The following ZNF362 variants were observed in gnomAD, a reference collection of about 807,000 sequenced individuals.
ZNF362 encodes rotund homolog.
Under a neutral mutation model 42.9 loss-of-function variants are expected in ZNF362, and 11 were observed. That is an observed-to-expected ratio of 0.26 (90% CI 0.16 to 0.42). The LOEUF is 0.42. ZNF362 is among the 20% of genes least tolerant of loss of function. The probability of loss-of-function intolerance (pLI) is 1.00; values close to 1 mark genes in which losing one functional copy is unlikely to be tolerated. For missense variants in ZNF362, 362 were observed against 576.2 expected (o/e 0.63, Z 3.81); for synonymous variants, 255 against 257.3 (o/e 0.99, Z 0.09).
At chr1:33,181,311 C>G in the ZNF362 span, 1 of 1,563,658 alleles carries the variant, frequency 6.4e-7, no homozygotes, top group South Asian at 1.2e-5. The surrounding 1 kb of genome is among the most constrained non-coding windows in gnomAD (Gnocchi z 6.5). Flanking sequence ...CGCCTCCTGC[C>G]GCACCCAGTG....
chr1:33,148,581 G>T, the ZNF362 span, among the ~76,000 whole-genome samples: 1 of 152,176 alleles, frequency 6.6e-6, no homozygotes, highest in African/African-American at 2.4e-5. Flanking sequence ...TAGTGTGATT[G>T]TGGGTGAGCA....
At position 33,276,058 on chromosome 1, in the gene ZNF362, G is replaced by C. The variant is rs367878811; in HGVS notation, c.39-42G>C. On this transcript the variant is annotated intron_variant, in intron 2 of 8. Transcript: ENST00000539719. ...TGAGGGGTGCTCGCCCCAGGCCTTG[G>C]GGAGGGCTCTCTTCCCGGTGACAGT... 11 of 1,611,908 alleles carry C rather than the reference G, an allele frequency of 6.8e-6. No homozygotes were observed. In the African/African-American group the frequency reaches 1.5e-4, roughly 22 times the overall value.
At chr1:33,283,162 C>CT (rs750293126) in intron 6 of ZNF362, among the ~76,000 whole-genome samples, 1 of 152,102 alleles carries the variant, frequency 6.6e-6, no homozygotes, top group Non-Finnish European at 1.5e-5. Context: ...GAGTCTCACT[C>CT]TATTGCCCAG....
chr1:33,181,734 G>A, the ZNF362 span: 1 of 428,308 alleles, frequency 2.3e-6, no homozygotes, highest in Non-Finnish European at 4.2e-6. The surrounding 1 kb of genome is among the most constrained non-coding windows in gnomAD (Gnocchi z 6.5). Flanking sequence ...CTGACGGGGA[G>A]GTTCTAGGGG....
the ZNF362 span, among the ~76,000 whole-genome samples, chr1:33,243,044 T>C: frequency 6.6e-6 from 1 of 152,214 alleles, no homozygotes; most frequent in East Asian, 1.9e-4. Flanking sequence ...TGACAATGTA[T>C]TATAATGAGA....
At chr1:33,208,476 G>A in the ZNF362 span, among the ~76,000 whole-genome samples, 1 of 151,978 alleles carries the variant, frequency 6.6e-6, no homozygotes, top group African/African-American at 2.4e-5. Flanking sequence ...GAAAATCAGT[G>A]GTAGCTTGAT....
At chr1:33,271,531 G>A (rs1289699635) in intron 2 of ZNF362, among the ~76,000 whole-genome samples, 2 of 152,228 alleles carry the variant, frequency 1.3e-5, no homozygotes, top group South Asian at 2.1e-4. Flanking sequence ...AGTAAAGATT[G>A]GAACCCGGGT....
At chr1:33,158,621 C>T in the ZNF362 span, among the ~76,000 whole-genome samples, 1 of 152,214 alleles carries the variant, frequency 6.6e-6, no homozygotes, top group Non-Finnish European at 1.5e-5. Context: ...CATGGCATAA[C>T]ATATACAGAT....
chr1:33,181,315 C>T, the ZNF362 span: 24 of 1,567,038 alleles, frequency 1.5e-5, no homozygotes, highest in Non-Finnish European at 2.1e-5. The surrounding 1 kb of genome is among the most constrained non-coding windows in gnomAD (Gnocchi z 6.5). Flanking sequence ...TCCTGCCGCA[C>T]CCAGTGCTCC....
the ZNF362 span, among the ~76,000 whole-genome samples, chr1:33,139,545 GA>G: frequency 6.6e-6 from 1 of 152,164 alleles, no homozygotes; most frequent in Non-Finnish European, 1.5e-5. Flanking sequence ...CAACAGTAAG[GA>G]AAAGGAGGGC....
At chr1:33,187,700 T>C in the ZNF362 span, among the ~76,000 whole-genome samples, 18 of 152,308 alleles carry the variant, frequency 1.2e-4, 1 homozygote, top group South Asian at 1.9e-3. Context: ...AGATATAATT[T>C]TAGGTTTAGT....
chr1:33,176,452 T>G, the ZNF362 span: 4 of 696,458 alleles, frequency 5.7e-6, no homozygotes, highest in Non-Finnish European at 1.1e-5. Flanking sequence ...TTCTCTGGCA[T>G]GAAGGAAGCC....
chr1:33,154,115 A>G, the ZNF362 span, among the ~76,000 whole-genome samples: 1 of 152,266 alleles, frequency 6.6e-6, no homozygotes, highest in African/African-American at 2.4e-5. Context: ...GCAAACGTGT[A>G]GATGAGGGAG....
chr1:33,247,005 G>T, the ZNF362 span, among the ~76,000 whole-genome samples: 1 of 152,184 alleles, frequency 6.6e-6, no homozygotes, highest in Admixed American at 6.5e-5. Flanking sequence ...TGTTCAAGAG[G>T]TGCAGAGAGG....
the ZNF362 span, among the ~76,000 whole-genome samples, chr1:33,144,252 C>T: frequency 2.0e-5 from 3 of 152,052 alleles, no homozygotes; most frequent in Admixed American, 2.0e-4. Flanking sequence ...ATTCTCCTGC[C>T]TCAGCCTCCC....
At chr1:33,189,677 A>G in the ZNF362 span, among the ~76,000 whole-genome samples, 178 of 41,896 alleles carry the variant, frequency 4.2e-3, 8 homozygotes, top group Non-Finnish European at 5.4e-3. Context: ...ATATATGTAT[A>G]TATATACGTA....
the ZNF362 span, among the ~76,000 whole-genome samples, chr1:33,134,552 C>T: frequency 6.6e-6 from 1 of 152,156 alleles, no homozygotes; most frequent in South Asian, 2.1e-4. Flanking sequence ...CTAGGACCAC[C>T]AGAGACACAA....
At chr1:33,208,287 T>C in the ZNF362 span, among the ~76,000 whole-genome samples, 1 of 152,210 alleles carries the variant, frequency 6.6e-6, no homozygotes, top group Admixed American at 6.5e-5. Flanking sequence ...CATTGATCTA[T>C]ATATCTGTTT....
At chr1:33,253,007 A>G (rs550748427), upstream of ZNF362, among the ~76,000 whole-genome samples, 2 of 151,824 alleles carry the variant, frequency 1.3e-5, no homozygotes, top group Admixed American at 1.3e-4. Context: ...AGGACCATGG[A>G]CACCTTGGGA....
Sources: allele counts gnomAD v4.1 joint callset (sites outside exome capture counted in the v4.1 genomes callset), GRCh38; gene constraint gnomAD v4.1.1; non-coding constraint Gnocchi (gnomAD v3.1); transcripts MANE v1.5; gene names NCBI Gene and HGNC (gene_info 2026-07-23, HGNC 2026-07-21).